Variants in TLN2 observed in about 807,000 individuals in gnomAD.
TLN2 encodes talin 2.
In TLN2, 118 loss-of-function variants were observed where a neutral mutation model predicts 294.7. That is an observed-to-expected ratio of 0.40 (90% CI 0.34 to 0.47). The LOEUF (loss-of-function observed/expected upper bound fraction) is 0.47. Among genes scored for constraint, TLN2 ranks in the 20% least tolerant of loss-of-function variants. The pLI, the probability that TLN2 is intolerant of heterozygous loss-of-function variation, is 0.84. For missense variants in TLN2, 3,083 were observed against 3,282.2 expected (o/e 0.94, Z 1.48); for synonymous variants, 1,431 against 1,304.5 (o/e 1.10, Z -2.09).
intron 3 of TLN2, among the ~76,000 whole-genome samples, chr15:62,629,309 T>A (rs1487374960): frequency 6.6e-6 from 1 of 152,240 alleles, no homozygotes; most frequent in Non-Finnish European, 1.5e-5. Flanking sequence ...AAACATTGTG[T>A]GTCTGGCACA....
chr15:62,699,004 G>A (rs562276590), intron 16 of TLN2, 137 bp downstream of exon 16: 17 of 830,602 alleles, frequency 2.0e-5, no homozygotes, highest in Middle Eastern at 2.5e-4. Context: ...AGGATATTGA[G>A]TCTTTGCCTC....
chr15:62,782,232 A>G (rs547541098), intron 44 of TLN2, among the ~76,000 whole-genome samples: 2 of 152,318 alleles, frequency 1.3e-5, no homozygotes, highest in South Asian at 2.1e-4. Flanking sequence ...GGCTGCTGCC[A>G]TTCATTCATG....
At position 62,721,756 on chromosome 15, in the gene TLN2, A is replaced by T. The variant is rs529334015; in HGVS notation, c.2992-597A>T. Among the ~76,000 whole-genome samples the T allele has an allele frequency of 5.9e-5, 9 of 152,344 alleles. No individual in the cohort carries two copies. The South Asian group carries it at 1.9e-3, about 32-fold the overall frequency. On this transcript the variant is annotated intron_variant, in intron 25 of 58. Coordinates refer to ENST00000636159, the MANE Select transcript of TLN2 (RefSeq NM_015059.3). ...ATTGGAAAAAATGGAAACATGCCCAACAATAGAGAATTGAGAAATGGCAAT... is the reference window on the plus strand; with the variant it reads ...ATTGGAAAAAATGGAAACATGCCCATCAATAGAGAATTGAGAAATGGCAAT...
chr15:62,543,823 G>C (rs1437259535), intron 1 of TLN2, among the ~76,000 whole-genome samples: 1 of 151,628 alleles, frequency 6.6e-6, no homozygotes, highest in Non-Finnish European at 1.5e-5. Context: ...GTTAATGAAT[G>C]AAATAATCAC....
At chr15:62,763,860 G>T (rs1423460362) in intron 40 of TLN2, among the ~76,000 whole-genome samples, 165 bp downstream of exon 40, 1 of 152,212 alleles carries the variant, frequency 6.6e-6, no homozygotes, top group Non-Finnish European at 1.5e-5. Context: ...ACTTTTTGGA[G>T]AGGGTAGGGC....
intron 3 of TLN2, among the ~76,000 whole-genome samples, chr15:62,641,231 A>G (rs1431312236): frequency 6.6e-6 from 1 of 152,188 alleles, no homozygotes; most frequent in African/African-American, 2.4e-5. Context: ...AAAATAAACA[A>G]TAAAATGATA....
intron 54 of TLN2, among the ~76,000 whole-genome samples, chr15:62,821,537 C>A (rs962050181): frequency 2.6e-5 from 4 of 152,252 alleles, no homozygotes; most frequent in African/African-American, 9.6e-5. Context: ...CACTCAAAAG[C>A]AGTGCCTGGG....
chr15:62,769,288 G>A (rs934731944), intron 41 of TLN2, among the ~76,000 whole-genome samples: 2 of 152,240 alleles, frequency 1.3e-5, no homozygotes, highest in African/African-American at 4.8e-5. Context: ...GGTGACACCA[G>A]TGCCCTTCCT....
chr15:62,400,163 C>T (rs2032914695), intron 1 of TLN2, among the ~76,000 whole-genome samples: 1 of 152,204 alleles, frequency 6.6e-6, no homozygotes, highest in Non-Finnish European at 1.5e-5. Flanking sequence ...TGGCAGTTCT[C>T]TCTCCTGCCG....
At chr15:62,598,396 G>C (rs905531402) in intron 2 of TLN2, among the ~76,000 whole-genome samples, 2 of 152,130 alleles carry the variant, frequency 1.3e-5, no homozygotes, top group Non-Finnish European at 2.9e-5. Context: ...AGCAGAGTCA[G>C]CTCTGCCTCG....
chr15:62,459,632 C>T (rs565313172), intron 1 of TLN2, among the ~76,000 whole-genome samples: 2 of 152,276 alleles, frequency 1.3e-5, no homozygotes, highest in Admixed American at 1.3e-4. Flanking sequence ...ATCCAACCAA[C>T]ACTTGTTTGG....
intron 55 of TLN2, 182 bp downstream of exon 55, chr15:62,833,811 G>T: frequency 2.4e-6 from 2 of 816,966 alleles, no homozygotes; most frequent in Non-Finnish European, 3.5e-6. Flanking sequence ...CAGAATAAGA[G>T]GTTTGGCTTC....
chr15:62,827,259 A>G (rs1057340666), intron 54 of TLN2, among the ~76,000 whole-genome samples: 3 of 152,160 alleles, frequency 2.0e-5, no homozygotes, highest in African/African-American at 7.2e-5. Context: ...TGACAAGGAC[A>G]GTGAGCAGGG....
At chr15:62,840,403 AGCTCACATGAGCAGTGGG>A in intron 58 of TLN2, 61 bp from the exon 59 acceptor site, 3 of 1,565,740 alleles carry the variant, frequency 1.9e-6, no homozygotes, top group Non-Finnish European at 1.7e-6. Context: ...GGAGCCGTGG[AGCTCACATGAGCAGTGGG>A]GTGGGTCGGA....
chr15:62,527,280 A>G (rs1567059683), intron 1 of TLN2, among the ~76,000 whole-genome samples: 1 of 152,204 alleles, frequency 6.6e-6, no homozygotes, highest in Non-Finnish European at 1.5e-5. Context: ...TATGAAATAT[A>G]TGCTGGGTTC....
chr15:62,554,852 A>G (rs2042520743), intron 1 of TLN2, among the ~76,000 whole-genome samples: 1 of 152,176 alleles, frequency 6.6e-6, no homozygotes, highest in Non-Finnish European at 1.5e-5. Context: ...TCAGCACTCT[A>G]GCAAGATGCC....
intron 1 of TLN2, among the ~76,000 whole-genome samples, chr15:62,585,356 A>G (rs1330446521): frequency 6.6e-6 from 1 of 152,174 alleles, no homozygotes; most frequent in East Asian, 1.9e-4. Flanking sequence ...GATTCCAGAC[A>G]CCATGCTAAA....
intron 1 of TLN2, among the ~76,000 whole-genome samples, chr15:62,413,384 C>T (rs2033886729): frequency 6.6e-6 from 1 of 152,238 alleles, no homozygotes; most frequent in South Asian, 2.1e-4. Flanking sequence ...GCTGGCCCTG[C>T]CCCCACCCCC....
At chr15:62,469,096 C>A (rs1280167413) in intron 1 of TLN2, among the ~76,000 whole-genome samples, 2 of 152,128 alleles carry the variant, frequency 1.3e-5, no homozygotes, top group African/African-American at 4.8e-5. Context: ...CTTTTCTTGG[C>A]GTGTAATTGA....
Sources: allele counts gnomAD v4.1 joint callset (sites outside exome capture counted in the v4.1 genomes callset), GRCh38; gene constraint gnomAD v4.1.1; transcripts MANE v1.5; gene names NCBI Gene and HGNC (gene_info 2026-07-23, HGNC 2026-07-21).